Variants in CSMD3 observed in about 807,000 individuals in gnomAD.
CSMD3 encodes CUB and Sushi multiple domains 3, also known as CUB and sushi domain-containing protein 3.
CSMD3 carries 177 observed loss-of-function variants against 435.2 expected under a neutral mutation model. The observed-to-expected ratio is 0.41, with a 90% CI of 0.36 to 0.46. The LOEUF (loss-of-function observed/expected upper bound fraction) is 0.46, where lower values mean the gene tolerates loss of function less well. Ranked by LOEUF, CSMD3 falls within the 20% of genes least tolerant of loss-of-function variation. The pLI is 0.34. For missense variants in CSMD3, 4,265 were observed against 4,504.6 expected, an observed-to-expected ratio of 0.95 and a Z score of 1.52; for synonymous variants, 1,656 against 1,520.5, an observed-to-expected ratio of 1.09 and a Z score of -2.07.
chr8:112,605,814 C>T (rs556505802), intron 22 of CSMD3, among the ~76,000 whole-genome samples: 45 of 152,210 alleles, frequency 3.0e-4, no homozygotes, highest in Non-Finnish European at 4.4e-4. Context: ...CCTGTTTTCA[C>T]GGCTCATTTT....
chr8:112,996,956 T>C (rs1478675829), intron 6 of CSMD3, among the ~76,000 whole-genome samples: 2 of 151,620 alleles, frequency 1.3e-5, no homozygotes, highest in African/African-American at 2.4e-5. Flanking sequence ...AGAGATAAAA[T>C]GCTGTCTTCT....
At chr8:112,878,572 A>T (rs1323321837) in intron 10 of CSMD3, among the ~76,000 whole-genome samples, 1 of 152,170 alleles carries the variant, frequency 6.6e-6, no homozygotes, top group Non-Finnish European at 1.5e-5. Flanking sequence ...CTGGGTATAT[A>T]CCCAAGGGAT....
chr8:112,707,543 A>G (rs1375382028), intron 13 of CSMD3, among the ~76,000 whole-genome samples: 1 of 151,998 alleles, frequency 6.6e-6, no homozygotes. Context: ...AATAAATACA[A>G]CAGTTAAACA....
intron 32 of CSMD3, among the ~76,000 whole-genome samples, chr8:112,414,548 C>T (rs1441309047): frequency 6.6e-6 from 1 of 152,134 alleles, no homozygotes; most frequent in African/African-American, 2.4e-5. Flanking sequence ...TTCTTCATAG[C>T]AGTGTGAGAA....
Position 112,978,570 on chromosome 8 carries a change from C to A in CSMD3, c.1031-2422G>T, listed in dbSNP as rs534304085. On this transcript the variant is annotated intron_variant, in intron 6 of 70. Coordinates refer to ENST00000297405, the MANE Select transcript of CSMD3 (RefSeq NM_198123.2). ...TAAAATATTTAGCATAAGAGCTATACTTCCCACCAACGGTGATGAAGATTC... is the reference window on the plus strand; with the variant it reads ...TAAAATATTTAGCATAAGAGCTATAATTCCCACCAACGGTGATGAAGATTC... Among the ~76,000 whole-genome samples the A allele has an allele frequency of 3.3e-5, 5 of 152,082 alleles. No individual in the cohort carries two copies. In the South Asian group the frequency reaches 1.0e-3, roughly 32 times the overall value.
intron 2 of CSMD3, among the ~76,000 whole-genome samples, chr8:113,295,542 A>C (rs2093714581): frequency 2.0e-5 from 3 of 152,212 alleles, no homozygotes; most frequent in Admixed American, 1.3e-4. Context: ...TAAAGTTAAA[A>C]ATTTAGCAAT....
At chr8:113,077,818 A>G (rs536634511) in intron 5 of CSMD3, among the ~76,000 whole-genome samples, 4 of 152,348 alleles carry the variant, frequency 2.6e-5, no homozygotes, top group Non-Finnish European at 5.9e-5. Flanking sequence ...TTTAAGGAAG[A>G]GGATTATTTC....
intron 56 of CSMD3, among the ~76,000 whole-genome samples, chr8:112,290,429 A>G (rs995928540): frequency 1.3e-5 from 2 of 152,046 alleles, no homozygotes; most frequent in African/African-American, 4.8e-5. Flanking sequence ...TTTAACTTTA[A>G]TGTGGTAGCT....
intron 16 of CSMD3, among the ~76,000 whole-genome samples, chr8:112,673,278 A>G (rs1283723636): frequency 6.6e-6 from 1 of 152,016 alleles, no homozygotes; most frequent in African/African-American, 2.4e-5. Context: ...ATTACAATGA[A>G]CAAGTCAGGT....
At chr8:113,323,957 TAAG>T (rs1361650192) in intron 1 of CSMD3, among the ~76,000 whole-genome samples, 1 of 152,188 alleles carries the variant, frequency 6.6e-6, no homozygotes, top group African/African-American at 2.4e-5. Context: ...TTACAGTTAA[TAAG>T]AAGGAATCAG....
intron 45 of CSMD3, among the ~76,000 whole-genome samples, chr8:112,327,970 C>G (rs1173461405): frequency 9.9e-5 from 15 of 152,172 alleles, no homozygotes; most frequent in Admixed American, 9.2e-4. Flanking sequence ...GCTATTAAAG[C>G]CTTCTTCAAA....
chr8:113,377,016 AGTGGG>A (rs1169782032), intron 1 of CSMD3: 12 of 322,560 alleles, frequency 3.7e-5, no homozygotes, highest in South Asian at 7.2e-5. Context: ...TCTTCTAGGG[AGTGGG>A]GTGGGGTGGG....
At chr8:113,038,593 C>G (rs1407245092) in intron 5 of CSMD3, among the ~76,000 whole-genome samples, 1 of 152,090 alleles carries the variant, frequency 6.6e-6, no homozygotes, top group Admixed American at 6.6e-5. Context: ...CTTTTATACT[C>G]TCAGTGAGGG....
In CSMD3 at chr8:113,112,470, CACGT is replaced by C. The variant is rs543165954; in HGVS notation, c.710-13511_710-13508del. Among the ~76,000 whole-genome samples, 248 of 46,008 alleles carry C rather than the reference CACGT, an allele frequency of 5.4e-3. 7 individuals are homozygous for C. The highest frequency in any genetic ancestry group is 8.2e-3 in the Middle Eastern group (1 of 122). 30.2% of individuals were successfully genotyped at this position (46,008 alleles called of 152,430 possible). A position where few individuals can be genotyped will look rare whatever the true frequency, so the allele number is the denominator to read the frequency against. ...ATATGTATATACACACACACACACA[CACGT>C]ACACACACACACACACACACACACA... On this transcript the variant is annotated intron_variant, in intron 4 of 70. Coordinates refer to ENST00000297405, the MANE Select transcript of CSMD3 (RefSeq NM_198123.2).
intron 6 of CSMD3, among the ~76,000 whole-genome samples, chr8:113,010,634 C>T (rs147671992): frequency 1.6e-3 from 237 of 151,690 alleles, no homozygotes; most frequent in African/African-American, 5.6e-3. Context: ...TGGATTTTTA[C>T]AAATTCCATG....
chr8:112,289,276 C>A, intron 57 of CSMD3, 89 bp downstream of exon 57: 1 of 1,070,116 alleles, frequency 9.3e-7, no homozygotes, highest in South Asian at 1.3e-5. Flanking sequence ...TATTTTAAGT[C>A]TTTAGATTGT....
chr8:113,062,237 T>C (rs1005239502), intron 5 of CSMD3, among the ~76,000 whole-genome samples: 3 of 151,922 alleles, frequency 2.0e-5, no homozygotes, highest in Admixed American at 6.6e-5. Flanking sequence ...TTTCATCAAG[T>C]TACATATATA....
At chr8:113,100,885 C>G (rs2090309041) in intron 4 of CSMD3, among the ~76,000 whole-genome samples, 1 of 152,036 alleles carries the variant, frequency 6.6e-6, no homozygotes, top group African/African-American at 2.4e-5. Flanking sequence ...CTCCCTATAC[C>G]TTGGACTTGT....
At chr8:112,357,345 A>G (rs1000336626) in intron 38 of CSMD3, among the ~76,000 whole-genome samples, 2 of 152,188 alleles carry the variant, frequency 1.3e-5, no homozygotes, top group South Asian at 4.1e-4. Flanking sequence ...CATTCAAGAC[A>G]TGAATTGGGT....
Sources: gnomAD v4.1 joint callset for allele counts (sites outside exome capture counted in the v4.1 genomes callset) on GRCh38, gnomAD v4.1.1 for gene constraint, MANE v1.5 for transcripts, NCBI Gene and HGNC (gene_info 2026-07-23, HGNC 2026-07-21) for gene names.